Variants in CTRC observed in about 807,000 individuals in gnomAD.
CTRC encodes chymotrypsin-C.
A neutral mutation model predicts 35.7 loss-of-function variants in CTRC; 32 were observed. The observed-to-expected ratio is 0.90, with a 90% CI of 0.68 to 1.20. The LOEUF is 1.20. Among genes scored for constraint, CTRC ranks in the 50% most tolerant of loss-of-function variants. The probability of loss-of-function intolerance (pLI) is 0.00; values close to 1 mark genes in which losing one functional copy is unlikely to be tolerated. For missense variants in CTRC, 324 were observed against 361.5 expected (o/e 0.90, Z 0.84); for synonymous variants, 119 against 149.5 (o/e 0.80, Z 1.49).
chr1:15,441,647 A>G (rs1357948934), intron 3 of CTRC, among the ~76,000 whole-genome samples: 1 of 151,780 alleles, frequency 6.6e-6, no homozygotes, highest in African/African-American at 2.4e-5. Flanking sequence ...TATATTTTAT[A>G]AAAAATATAT....
chr1:15,438,728 C>T (rs982022460), intron 1 of CTRC, among the ~76,000 whole-genome samples: 13 of 152,250 alleles, frequency 8.5e-5, no homozygotes, highest in African/African-American at 3.1e-4. Flanking sequence ...CTGACGTGTC[C>T]CCAGTTAGAA....
At position 15,448,613 on chromosome 1, in the gene CTRC, T is replaced by A. The variant is rs1183207683; in HGVS notation, c.*2024T>A. On this transcript the variant is annotated 3_prime_UTR_variant, in exon 8 of 8. Transcript: ENST00000375949. ...CACCTGCCTCGGCCTCCCAAAGTGC[T>A]GGCATTACAGGCGTGAGCCACCGTG... 2 of 152,158 alleles carry A rather than the reference T, an allele frequency of 1.3e-5. No individual in the cohort carries two copies. Among genetic ancestry groups the A allele is most frequent in the African/African-American group, 4.8e-5 (2 of 41,426 alleles). 9.4% of individuals were successfully genotyped at this position (152,158 alleles called of 1,614,324 possible).
intron 3 of CTRC, among the ~76,000 whole-genome samples, chr1:15,440,883 T>C (rs968423823): frequency 9.2e-5 from 14 of 152,092 alleles, no homozygotes; most frequent in African/African-American, 3.4e-4. Flanking sequence ...AAAATAATAC[T>C]AATAATAAGG....
intron 5 of CTRC, 79 bp downstream of exon 5, chr1:15,443,634 C>T: frequency 6.4e-7 from 1 of 1,569,988 alleles, no homozygotes; most frequent in Non-Finnish European, 8.8e-7. Context: ...ACCACTTTGC[C>T]TTTTTGCCTT....
chr1:15,440,315 T>C lies in CTRC; in HGVS notation c.56T>C (p.Val19Ala). ...ALLACASSCG[V>A]PSFPPNLSAR... ...GTCTCCCCAGCCTCCAGCTGTGGGG[T>C]GCCCAGCTTCCCGCCCAACCTATCC... is the stretch of plus-strand genomic sequence containing the variant. The change falls in exon 2 of 8, where the codon GTG (valine) becomes GCG (alanine). Residue 19 changes from valine (V) to alanine (A), a missense_variant. Physicochemically the swap from Val to Ala is moderately conservative, Grantham distance 64. Transcript: ENST00000375949. The C allele has an allele frequency of 7.4e-7, 1 of 1,357,640 alleles. No individual in the cohort carries two copies. Among genetic ancestry groups the C allele is most frequent in the Non-Finnish European group, 9.7e-7 (1 of 1,028,102 alleles). 84.1% of individuals were successfully genotyped at this position (1,357,640 alleles called of 1,614,324 possible).
intron 7 of CTRC, 102 bp downstream of exon 7, chr1:15,445,851 C>T: frequency 7.4e-7 from 1 of 1,351,328 alleles, no homozygotes; most frequent in Non-Finnish European, 1.1e-6. Context: ...TTCATTCATT[C>T]ATTTATTCAC....
Position 15,446,721 on chromosome 1 carries a change from A to C in CTRC, c.*132A>C. On this transcript the variant is annotated 3_prime_UTR_variant, in exon 8 of 8. Transcript: ENST00000375949. Reference sequence around the variant, plus strand: ...CTCTGGTGCTGCCCCTTTCCACACTATGGAGCCAAAGAGAGACCCCACTCA... The same window carrying C: ...CTCTGGTGCTGCCCCTTTCCACACTCTGGAGCCAAAGAGAGACCCCACTCA... 1.9e-6 allele frequency: 2 copies of C among 1,065,184 alleles called. No individual in the cohort carries two copies. The highest frequency in any genetic ancestry group is 2.9e-6 in the Non-Finnish European group (2 of 691,238). The allele number at this position is 1,065,184 out of a possible 1,614,324, so 66.0% of individuals were successfully genotyped here. A position where few individuals can be genotyped will look rare whatever the true frequency, so the allele number is the denominator to read the frequency against.
intron 5 of CTRC, among the ~76,000 whole-genome samples, chr1:15,444,274 AAG>A (rs1040338250): frequency 5.9e-5 from 9 of 151,964 alleles, no homozygotes; most frequent in Non-Finnish European, 1.0e-4. Flanking sequence ...AAAAAAAAGA[AAG>A]AGAAATAGAA....
intron 1 of CTRC, among the ~76,000 whole-genome samples, chr1:15,439,965 C>T (rs1265160058): frequency 1.3e-5 from 2 of 152,184 alleles, no homozygotes; most frequent in African/African-American, 2.4e-5. Context: ...TGGTGTCAAA[C>T]CCCTGATCTC....
Position 15,438,582 on chromosome 1 carries a change from G to T in CTRC, c.40+78G>T, listed in dbSNP as rs374402898. On this transcript the variant is annotated intron_variant, in intron 1 of 7. Coordinates refer to ENST00000375949, the MANE Select transcript of CTRC (RefSeq NM_007272.3). Reference sequence around the variant, plus strand: ...CCAGGGCAAGGACGGGATGGGGAGTGGGGGGGCCTCTGCTCTCCAGGTAAG... The same window carrying T: ...CCAGGGCAAGGACGGGATGGGGAGTTGGGGGGCCTCTGCTCTCCAGGTAAG... The T allele has an allele frequency of 2.9e-4, 439 of 1,514,842 alleles. 5 individuals are homozygous for T. The South Asian group carries it at 4.5e-3, about 15-fold the overall frequency. The allele number at this position is 1,514,842 out of a possible 1,614,324, so 93.8% of individuals were successfully genotyped here. A position where few individuals can be genotyped will look rare whatever the true frequency, so the allele number is the denominator to read the frequency against.
chr1:15,445,867 C>A lies in CTRC; in HGVS notation c.792+118C>A. On this transcript the variant is annotated intron_variant, in intron 7 of 7. Transcript: ENST00000375949. The stretch of plus-strand genomic sequence containing the variant: ...TCATTCATTCATTTATTCACTCATT[C>A]ATGCATTTATTCACTCATTCATGCA... 3 of 1,238,308 alleles carry A rather than the reference C, an allele frequency of 2.4e-6. No homozygotes were observed. The East Asian group carries it at 7.1e-5, about 29-fold the overall frequency. 76.7% of individuals were successfully genotyped at this position (1,238,308 alleles called of 1,614,324 possible).
chr1:15,442,005 G>A (rs7527601), intron 3 of CTRC, among the ~76,000 whole-genome samples: 10,772 of 152,130 alleles, frequency 0.071, 517 homozygotes, highest in Middle Eastern at 0.13. Context: ...GCTTCCCAAC[G>A]TGCTGGGATT....
intron 7 of CTRC, 150 bp downstream of exon 7, chr1:15,445,899 CATTT>C (rs1557511032): frequency 1.1e-6 from 1 of 921,580 alleles, no homozygotes. Context: ...TGCATTCATT[CATTT>C]ATTCACTTAT....
chr1:15,445,866 T>A, intron 7 of CTRC, 117 bp downstream of exon 7: 1 of 1,250,568 alleles, frequency 8.0e-7, no homozygotes, highest in Non-Finnish European at 1.2e-6. Flanking sequence ...ATTCACTCAT[T>A]CATGCATTTA....
rs1229058534 is a variant in CTRC, at chr1:15,444,714, T to C, written c.602T>C (p.Val201Ala). The C allele has an allele frequency of 6.2e-6, 10 of 1,614,048 alleles. No homozygotes were observed. The African/African-American group carries it at 1.2e-4, about 19-fold the overall frequency. Residue 201 changes from valine (V) to alanine (A), a missense_variant, in exon 6 of 8, where the codon GTG becomes GCG. Transcript: ENST00000375949. The part of the protein sequence containing the change: ...WWGFRVKKTM[V>A]CAGGDGVISA... ...GGCTTCAGGGTGAAGAAAACCATGG[T>C]GTGCGCTGGGGGCGATGGCGTCATC...
intron 6 of CTRC, 60 bp downstream of exon 6, chr1:15,444,811 A>AG (rs1708191855): frequency 1.9e-6 from 3 of 1,609,076 alleles, no homozygotes; most frequent in Admixed American, 1.7e-5. Flanking sequence ...ATGTGGGCAA[A>AG]GGGGGGTGCG....
At chr1:15,439,308 C>G (rs1490993712) in intron 1 of CTRC, among the ~76,000 whole-genome samples, 2 of 151,810 alleles carry the variant, frequency 1.3e-5, no homozygotes, top group Non-Finnish European at 2.9e-5. Context: ...CACCTGTAAT[C>G]CCAACTACTC....
Position 15,440,362 on chromosome 1 carries a change from G to A in CTRC, c.103G>A (p.Asp35Asn), listed in dbSNP as rs184977421. ...ATCCGCCCGAGTGGTGGGAGGAGAGGATGCCCGGCCCCACAGCTGGCCCTG... is the reference window on the plus strand; with the variant it reads ...ATCCGCCCGAGTGGTGGGAGGAGAGAATGCCCGGCCCCACAGCTGGCCCTG... ...NLSARVVGGE[D>N]ARPHSWPWQI... is the part of the protein sequence containing the mutation. The change falls in exon 2 of 8, where the codon GAT (aspartate) becomes AAT (asparagine). Residue 35 changes from aspartate to asparagine, a missense_variant. Physicochemically the swap from Asp to Asn is conservative, Grantham distance 23. Transcript: ENST00000375949. The A allele has an allele frequency of 1.3e-5, 21 of 1,612,184 alleles. No homozygotes were observed. Among genetic ancestry groups the A allele is most frequent in the Non-Finnish European group, 1.7e-5 (20 of 1,179,602 alleles).
intron 5 of CTRC, among the ~76,000 whole-genome samples, chr1:15,443,860 G>A (rs754640603): frequency 1.5e-4 from 23 of 152,106 alleles, no homozygotes; most frequent in Non-Finnish European, 2.6e-4. Flanking sequence ...GACATCTGTG[G>A]TATACCGTAT....
Sources: allele counts gnomAD v4.1 joint callset (sites outside exome capture counted in the v4.1 genomes callset), GRCh38; gene constraint gnomAD v4.1.1; transcripts MANE v1.5; gene names NCBI Gene and HGNC (gene_info 2026-07-23, HGNC 2026-07-21).